The following GPR176 variants were observed in gnomAD, a reference collection of about 807,000 sequenced individuals.
GPR176 encodes the protein G protein-coupled receptor 176.
A neutral mutation model predicts 35.4 loss-of-function variants in GPR176; 26 were observed. The ratio of observed to expected loss-of-function variants is 0.74; its 90% confidence interval spans 0.54 to 1.02. The LOEUF (loss-of-function observed/expected upper bound fraction) is 1.02. Among genes scored for constraint, GPR176 ranks in the 50% least tolerant of loss-of-function variants. GPR176 has a pLI of 0.00. For synonymous variants in GPR176, 278 were observed against 271.3 expected, an observed-to-expected ratio of 1.02 and a Z score of -0.24; for missense variants, 597 against 665.3, an observed-to-expected ratio of 0.90 and a Z score of 1.13.
chr15:39,915,505 A>G (rs1187209755), intron 1 of GPR176, among the ~76,000 whole-genome samples: 3 of 152,210 alleles, frequency 2.0e-5, no homozygotes, highest in African/African-American at 7.2e-5. Context: ...AAGGAAAGGG[A>G]ATATAGCTTA....
chr15:39,874,331 G>C (rs1356047834), intron 1 of GPR176, among the ~76,000 whole-genome samples: 1 of 152,164 alleles, frequency 6.6e-6, no homozygotes, highest in African/African-American at 2.4e-5. Context: ...CTGCTGATGG[G>C]AACAGTCATA....
intron 1 of GPR176, among the ~76,000 whole-genome samples, chr15:39,861,201 T>A (rs2031566618): frequency 6.6e-6 from 1 of 152,168 alleles, no homozygotes; most frequent in South Asian, 2.1e-4. Flanking sequence ...ATGGCAGATC[T>A]TTTTAGGAAC....
chr15:39,880,186 A>ACC (rs535163741), intron 1 of GPR176, among the ~76,000 whole-genome samples: 137 of 151,934 alleles, frequency 9.0e-4, no homozygotes, highest in African/African-American at 3.2e-3. Flanking sequence ...ACAGCAATGG[A>ACC]CCCCCACCAC....
intron 1 of GPR176, among the ~76,000 whole-genome samples, chr15:39,892,796 G>T (rs573865173): frequency 3.3e-5 from 5 of 152,324 alleles, no homozygotes; most frequent in Non-Finnish European, 7.3e-5. Context: ...CAGCCCTGCC[G>T]GCAGCTTGAT....
intron 1 of GPR176, among the ~76,000 whole-genome samples, chr15:39,850,735 T>G (rs76832906): frequency 0.059 from 9,021 of 151,894 alleles, 703 homozygotes; most frequent in Admixed American, 0.2. Context: ...GGGTTAAGAG[T>G]ACATGGGATC....
At chr15:39,870,115 T>C (rs1237590966) in intron 1 of GPR176, among the ~76,000 whole-genome samples, 1 of 152,192 alleles carries the variant, frequency 6.6e-6, no homozygotes, top group African/African-American at 2.4e-5. Context: ...TCATGATCCC[T>C]TCCTCGTGTC....
At chr15:39,869,004 CAAAA>C (rs113653046) in intron 1 of GPR176, among the ~76,000 whole-genome samples, 1 of 140,126 alleles carries the variant, frequency 7.1e-6, no homozygotes, top group Non-Finnish European at 1.6e-5. Context: ...AATTCTGTCT[CAAAA>C]AAAAAAAAAA....
chr15:39,845,119 C>T (rs1177536229), intron 1 of GPR176, among the ~76,000 whole-genome samples: 1 of 152,074 alleles, frequency 6.6e-6, no homozygotes, highest in Non-Finnish European at 1.5e-5. Context: ...GCCAGGACAG[C>T]ACTCACTGAG....
chr15:39,882,598 A>C (rs1460608023), intron 1 of GPR176, among the ~76,000 whole-genome samples: 1 of 152,242 alleles, frequency 6.6e-6, no homozygotes, highest in Non-Finnish European at 1.5e-5. Flanking sequence ...GCAAGGAAGA[A>C]GGTGTGACAC....
Position 39,833,078 on chromosome 15 carries a change from C to G in GPR176, c.173-25820G>C, listed in dbSNP as rs150660285. Among the ~76,000 whole-genome samples the G allele has an allele frequency of 2.9e-3, 441 of 152,250 alleles. 3 individuals carry two copies. Among genetic ancestry groups the G allele is most frequent in the African/African-American group, 0.01 (419 of 41,554 alleles). ...TGGGTTCCAAGGACTAGGGAATGAA[C>G]ATCTTTGGGAGAGAGTGGGGTTGGG... On this transcript the variant is annotated intron_variant, in intron 1 of 2. Coordinates refer to ENST00000561100, the MANE Select transcript of GPR176 (RefSeq NM_007223.3).
chr15:39,876,490 G>T (rs1053003802), intron 1 of GPR176, among the ~76,000 whole-genome samples: 14 of 151,710 alleles, frequency 9.2e-5, no homozygotes, highest in African/African-American at 3.4e-4. Context: ...TCAAAGTGGT[G>T]TTCTACCAGT....
chr15:39,814,667 G>A (rs769069049), intron 1 of GPR176, among the ~76,000 whole-genome samples: 1 of 152,126 alleles, frequency 6.6e-6, no homozygotes, highest in African/African-American at 2.4e-5. Flanking sequence ...TTCTGTGGTA[G>A]GTTATATTGC....
chr15:39,903,955 G>C (rs1205580948), intron 1 of GPR176, among the ~76,000 whole-genome samples: 2 of 152,126 alleles, frequency 1.3e-5, no homozygotes, highest in African/African-American at 4.8e-5. Context: ...AAGGGCTGCT[G>C]GTTGCCCATT....
intron 1 of GPR176, among the ~76,000 whole-genome samples, chr15:39,836,277 C>A (rs1901394881): frequency 6.6e-6 from 1 of 152,124 alleles, no homozygotes; most frequent in Non-Finnish European, 1.5e-5. Flanking sequence ...GGAAGTGGGA[C>A]CTTGTAGGAG....
chr15:39,824,047 G>T (rs1404354269), intron 1 of GPR176, among the ~76,000 whole-genome samples: 1 of 152,182 alleles, frequency 6.6e-6, no homozygotes, highest in African/African-American at 2.4e-5. Context: ...GAATGGCCCG[G>T]TGCCATCCCC....
intron 1 of GPR176, among the ~76,000 whole-genome samples, chr15:39,868,863 T>C (rs1326646241): frequency 6.6e-6 from 1 of 152,090 alleles, no homozygotes; most frequent in Non-Finnish European, 1.5e-5. Context: ...TACCTGAAAT[T>C]CACCTGAATG....
intron 1 of GPR176, chr15:39,807,632 C>CATGG: frequency 2.2e-6 from 2 of 892,400 alleles, no homozygotes; most frequent in Non-Finnish European, 1.8e-6. Flanking sequence ...AACTCTGCAA[C>CATGG]AGAAATACAG....
rs575379219 is a variant in GPR176, at chr15:39,840,616, G to A, written c.173-33358C>T. 9.2e-5 allele frequency among the ~76,000 whole-genome samples: 14 copies of A among 152,176 alleles called. No homozygotes were observed. The South Asian group carries it at 2.1e-3, about 23-fold the overall frequency. On this transcript the variant is annotated intron_variant, in intron 1 of 2. Coordinates refer to ENST00000561100, the MANE Select transcript of GPR176 (RefSeq NM_007223.3). ...CTGCACGTTGTGCACATGTACCCTA[G>A]AACTTGAAGTATAACAATAATAAAA...
intron 1 of GPR176, among the ~76,000 whole-genome samples, chr15:39,809,796 G>A (rs1253355517): frequency 1.3e-5 from 2 of 152,178 alleles, no homozygotes; most frequent in Non-Finnish European, 2.9e-5. Context: ...CCCTCCCTGG[G>A]ACTGCTGTAA....
Sources: allele counts gnomAD v4.1 joint callset (sites outside exome capture counted in the v4.1 genomes callset), GRCh38; gene constraint gnomAD v4.1.1; transcripts MANE v1.5; gene names NCBI Gene and HGNC (gene_info 2026-07-23, HGNC 2026-07-21).